Variants in ARL14EP observed in about 807,000 individuals in gnomAD.
ARL14EP encodes the protein ARL14 effector protein.
In ARL14EP, 12 loss-of-function variants were observed where a neutral mutation model predicts 23.1. That is an observed-to-expected ratio of 0.52 (90% CI 0.33 to 0.84). The LOEUF (loss-of-function observed/expected upper bound fraction) is 0.84. Ranked by LOEUF, ARL14EP falls within the 40% of genes least tolerant of loss-of-function variation. The pLI is 0.02. For missense variants in ARL14EP, 253 were observed against 307.3 expected, an observed-to-expected ratio of 0.82 and a Z score of 1.32; for synonymous variants, 97 against 102.0, an observed-to-expected ratio of 0.95 and a Z score of 0.29.
rs1328787707 is a variant in ARL14EP at position 30,331,475 on chromosome 11, G to A, written c.426+101G>A. 9 of 1,555,476 alleles carry A rather than the reference G, an allele frequency of 5.8e-6. No homozygotes were observed. The East Asian group carries it at 2.2e-4, about 37-fold the overall frequency. ...ATTTACATTATTACTAAATTTGTTA[G>A]CATACAGTGAATTAAAAGGAGGGGT... On this transcript the variant is annotated intron_variant, in intron 2 of 3. Coordinates refer to ENST00000282032, the MANE Select transcript of ARL14EP (RefSeq NM_152316.3).
Position 30,337,523 on chromosome 11 carries a change from T to G in ARL14EP, c.*728T>G, listed in dbSNP as rs1052685800. 6.6e-6 allele frequency: 1 copy of G among 152,238 alleles called. No homozygotes were observed. Among genetic ancestry groups the G allele is most frequent in the Non-Finnish European group, 1.5e-5 (1 of 68,106 alleles). The allele number at this position is 152,238 out of a possible 1,614,324, so 9.4% of individuals were successfully genotyped here. On this transcript the variant is annotated 3_prime_UTR_variant, in exon 4 of 4. Coordinates refer to ENST00000282032, the MANE Select transcript of ARL14EP (RefSeq NM_152316.3). The stretch of plus-strand genomic sequence containing the variant: ...TAGAAGAAGTCACTGACCATGGGAA[T>G]GTTGTTCTTGCTGCTGTGTATTCAT...
intron 1 of ARL14EP, among the ~76,000 whole-genome samples, chr11:30,325,770 G>A (rs950303415): frequency 1.3e-5 from 2 of 152,190 alleles, no homozygotes; most frequent in African/African-American, 2.4e-5. Flanking sequence ...CATGTTTATA[G>A]AGCAGGAATA....
At position 30,336,615 on chromosome 11, in the gene ARL14EP, G is replaced by C. The variant is rs7927881; in HGVS notation, c.603G>C (p.Leu201=). ...AGGTCTATGATAGCCAGGGTCTCCT[G>C]ATTTTTAGTGGGATGGACCTCTGTG... ...KSKVYDSQGL[L]IFSGMDLCDC... is the part of the protein sequence containing the mutation. Residue 201 remains leucine, a synonymous_variant, in exon 4 of 4, where the codon CTG becomes CTC. Coordinates refer to ENST00000282032, the MANE Select transcript of ARL14EP (RefSeq NM_152316.3). 1 of 1,614,078 alleles carries C rather than the reference G, an allele frequency of 6.2e-7. No homozygotes were observed. The highest frequency in any genetic ancestry group is 8.5e-7 in the Non-Finnish European group (1 of 1,180,002).
At chr11:30,334,205 CTTCTTT>C (rs1947311583) in intron 3 of ARL14EP, among the ~76,000 whole-genome samples, 3 of 105,164 alleles carry the variant, frequency 2.9e-5, no homozygotes, top group Admixed American at 9.6e-5. Context: ...GTAGACCAGC[CTTCTTT>C]TTTTTTTTTT....
rs1947283280 is a variant in ARL14EP, at chr11:30,331,516, T to G, written c.426+142T>G. 6 of 1,490,178 alleles carry G rather than the reference T, an allele frequency of 4.0e-6. No individual in the cohort carries two copies. The South Asian group carries it at 5.4e-5, about 13-fold the overall frequency. The allele number at this position is 1,490,178 out of a possible 1,614,324, so 92.3% of individuals were successfully genotyped here. On this transcript the variant is annotated intron_variant, in intron 2 of 3. Transcript: ENST00000282032. ...AAGGAGGGGTGAAAGTGGATGATGT[T>G]TCTAAATATTATTCACATATACTGA...
chr11:30,332,961 G>A lies in ARL14EP; in HGVS notation c.522G>A (p.Arg174=), dbSNP rs1004438438. 5 of 1,613,456 alleles carry A rather than the reference G, an allele frequency of 3.1e-6. No homozygotes were observed. The highest frequency in any genetic ancestry group is 1.1e-5 in the South Asian group (1 of 91,058). Residue 174 remains arginine, a synonymous_variant, in exon 3 of 4, where the codon AGG becomes AGA. Transcript: ENST00000282032. ...APETGKREKR[R]LTKNATAGSD... ...AAACTGGTAAAAGAGAAAAAAGAAG[G>A]CTTACAAAAAATGCAACCGCTGGTT...
rs1947276529 is a variant in ARL14EP at position 30,330,895 on chromosome 11, C to T, written c.-54C>T. Reference sequence around the variant, plus strand: ...TTAATATTTTCTCTAGGGTGATCAGCCCATGACCTAAACCTCCAGACAAAA... The same window carrying T: ...TTAATATTTTCTCTAGGGTGATCAGTCCATGACCTAAACCTCCAGACAAAA... On this transcript the variant is annotated 5_prime_UTR_variant, in exon 2 of 4. Transcript: ENST00000282032. 6.5e-7 allele frequency: 1 copy of T among 1,538,024 alleles called. No homozygotes were observed. The highest frequency in any genetic ancestry group is 8.9e-7 in the Non-Finnish European group (1 of 1,118,474).
chr11:30,338,051 CA>C lies in ARL14EP; in HGVS notation c.*1257del, dbSNP rs1256184420. On this transcript the variant is annotated 3_prime_UTR_variant, in exon 4 of 4. Coordinates refer to ENST00000282032, the MANE Select transcript of ARL14EP (RefSeq NM_152316.3). ...GACCATTTTTATGGTCCCACAGTAC[CA>C]TGTGAAATGAGGATCGCTTGTAGCT... 1 of 152,062 alleles carries C rather than the reference CA, an allele frequency of 6.6e-6. No individual in the cohort carries two copies. The highest frequency in any genetic ancestry group is 2.4e-5 in the African/African-American group (1 of 41,408). The allele number at this position is 152,062 out of a possible 1,614,324, so 9.4% of individuals were successfully genotyped here.
At chr11:30,333,100 G>C in intron 3 of ARL14EP, 107 bp downstream of exon 3, 2 of 1,418,846 alleles carry the variant, frequency 1.4e-6, no homozygotes, top group Non-Finnish European at 1.9e-6. Flanking sequence ...TTTTAAATTG[G>C]ATAATGTAGA....
At chr11:30,334,935 C>T (rs1177950770) in intron 3 of ARL14EP, among the ~76,000 whole-genome samples, 1 of 152,186 alleles carries the variant, frequency 6.6e-6, no homozygotes, top group African/African-American at 2.4e-5. Flanking sequence ...CTGTAGCCCA[C>T]GGATCAAGGA....
chr11:30,331,830 C>G lies in ARL14EP; in HGVS notation c.426+456C>G, dbSNP rs546302679. On this transcript the variant is annotated intron_variant, in intron 2 of 3. Transcript: ENST00000282032. Reference sequence around the variant, plus strand: ...CTTACAGTAATTGTTTTTTATTTCACTCTTTTTTTCTCCTTTGACACTGTC... The same window carrying G: ...CTTACAGTAATTGTTTTTTATTTCAGTCTTTTTTTCTCCTTTGACACTGTC... 13 of 984,192 alleles carry G rather than the reference C, an allele frequency of 1.3e-5. No homozygotes were observed. In the East Asian group the frequency reaches 1.3e-3, roughly 102 times the overall value. 61.0% of individuals were successfully genotyped at this position (984,192 alleles called of 1,614,324 possible).
chr11:30,336,484 TCC>T (rs1491128230), intron 3 of ARL14EP, 81 bp from the exon 4 acceptor site: 1 of 1,177,740 alleles, frequency 8.5e-7, no homozygotes, highest in Non-Finnish European at 1.2e-6. Context: ...ATATTTTATC[TCC>T]TTTTTTTTTT....
At chr11:30,324,380 T>C (rs1947220597) in intron 1 of ARL14EP, among the ~76,000 whole-genome samples, 1 of 152,146 alleles carries the variant, frequency 6.6e-6, no homozygotes, top group Admixed American at 6.6e-5. Flanking sequence ...TTCCCACTAA[T>C]AAGGAGACTG....
chr11:30,334,487 T>A (rs1947316342), intron 3 of ARL14EP, among the ~76,000 whole-genome samples: 2 of 152,108 alleles, frequency 1.3e-5, no homozygotes. Flanking sequence ...GTGCTGGGAT[T>A]ACAGGTGTGA....
chr11:30,332,785 G>A (rs544489694), intron 2 of ARL14EP, 81 bp from the exon 3 acceptor site: 26 of 1,527,402 alleles, frequency 1.7e-5, no homozygotes, highest in African/African-American at 1.7e-4. Context: ...TTAGGGAATC[G>A]TCTGGTTTAA....
intron 3 of ARL14EP, 78 bp from the exon 4 acceptor site, chr11:30,336,486 CTTT>C: frequency 1.6e-5 from 12 of 743,884 alleles, no homozygotes; most frequent in Non-Finnish European, 2.2e-5. Context: ...ATTTTATCTC[CTTT>C]TTTTTTTTTA....
At chr11:30,332,657 A>G (rs1040290875) in intron 2 of ARL14EP, among the ~76,000 whole-genome samples, 1 of 152,130 alleles carries the variant, frequency 6.6e-6, no homozygotes, top group Non-Finnish European at 1.5e-5. Flanking sequence ...AATAATGGAA[A>G]TGTTACTAAT....
At chr11:30,334,517 A>C (rs1342423676) in intron 3 of ARL14EP, among the ~76,000 whole-genome samples, 1 of 152,092 alleles carries the variant, frequency 6.6e-6, no homozygotes, top group Non-Finnish European at 1.5e-5. Flanking sequence ...CCCAGCCAAC[A>C]AACAGCCTTC....
Position 30,336,904 on chromosome 11 carries a change from C to T in ARL14EP, c.*109C>T. On this transcript the variant is annotated 3_prime_UTR_variant, in exon 4 of 4. Transcript: ENST00000282032. ...CATATGACAAAGATTTTAAAACCAT[C>T]TCAGTGTGCCCTAATTTTTCATCTT... 3.0e-6 allele frequency: 3 copies of T among 1,006,480 alleles called. No individual in the cohort carries two copies. Among genetic ancestry groups the T allele is most frequent in the Non-Finnish European group, 4.5e-6 (3 of 662,050 alleles). 62.3% of individuals were successfully genotyped at this position (1,006,480 alleles called of 1,614,324 possible).
Sources: allele counts gnomAD v4.1 joint callset (sites outside exome capture counted in the v4.1 genomes callset), GRCh38; gene constraint gnomAD v4.1.1; transcripts MANE v1.5; gene names NCBI Gene and HGNC (gene_info 2026-07-23, HGNC 2026-07-21).